The following CEP97 variants were observed in gnomAD, a reference collection of about 807,000 sequenced individuals.
CEP97 encodes the protein centrosomal protein 97.
CEP97 carries 43 observed loss-of-function variants against 73.1 expected under a neutral mutation model. The observed-to-expected ratio is 0.59, with a 90% CI of 0.46 to 0.76. The LOEUF (loss-of-function observed/expected upper bound fraction) is 0.76, where lower values mean the gene tolerates loss of function less well. Ranked by LOEUF, CEP97 falls within the 30% of genes least tolerant of loss-of-function variation. The probability of loss-of-function intolerance (pLI) is 0.00; values close to 1 mark genes in which losing one functional copy is unlikely to be tolerated. For synonymous variants in CEP97, 337 were observed against 370.0 expected (o/e 0.91, Z 1.02); for missense variants, 939 against 1,014.0 (o/e 0.93, Z 1.00).
chr3:101,743,232 T>TG (rs1242188957), intron 6 of CEP97, among the ~76,000 whole-genome samples: 3 of 150,614 alleles, frequency 2.0e-5, no homozygotes, highest in Non-Finnish European at 4.4e-5. Flanking sequence ...GGCAACAAAG[T>TG]GGGAAAAAAA....
Position 101,767,392 on chromosome 3 carries a change from T to C in CEP97, c.*1841T>C, listed in dbSNP as rs1381296274. On this transcript the variant is annotated 3_prime_UTR_variant, in exon 11 of 11. Transcript: ENST00000341893. ...ATGATTTTGAATGTCTTCTTAAATA[T>C]ACCCTATTTTTCTATTTTAAAGTTA... is the stretch of plus-strand genomic sequence containing the variant. The C allele has an allele frequency of 6.6e-6, 1 of 152,238 alleles. No individual in the cohort carries two copies. Among genetic ancestry groups the C allele is most frequent in the Non-Finnish European group, 1.5e-5 (1 of 68,036 alleles). 9.4% of individuals were successfully genotyped at this position (152,238 alleles called of 1,614,324 possible).
In CEP97 at chr3:101,758,018, T is replaced by A; in HGVS notation, c.1412T>A (p.Ile471Asn). Reference protein sequence around the residue: ...ENSVQMMRSEINTEVNEKAGL... With the variant: ...ENSVQMMRSENNTEVNEKAGL... ...TCTGTTCAAATGATGAGAAGTGAAA[T>A]CAATACAGAGGTAAATGAGAAAGCT... Residue 471 changes from isoleucine (I) to asparagine (N), a missense_variant, in exon 9 of 11, where the codon ATC becomes AAC. Ile to Asn is a moderately radical substitution (Grantham distance 149, BLOSUM62 -3). Coordinates refer to ENST00000341893, the MANE Select transcript of CEP97 (RefSeq NM_024548.4). 6.2e-7 allele frequency: 1 copy of A among 1,614,120 alleles called. No individual in the cohort carries two copies. Among genetic ancestry groups the A allele is most frequent in the Non-Finnish European group, 8.5e-7 (1 of 1,180,012 alleles).
chr3:101,724,621 A>C lies in CEP97; in HGVS notation c.-56A>C. The C allele has an allele frequency of 1.2e-6, 2 of 1,605,994 alleles. No homozygotes were observed. Among genetic ancestry groups the C allele is most frequent in the Admixed American group, 1.7e-5 (1 of 59,980 alleles). ...TTTCCGGCTCCCTCCTTCAGATTAC[A>C]AGCTCCACAGAGCCGCGGGAGGACG... is the stretch of plus-strand genomic sequence containing the variant. On this transcript the variant is annotated 5_prime_UTR_variant, in exon 1 of 11. Coordinates refer to ENST00000341893, the MANE Select transcript of CEP97 (RefSeq NM_024548.4).
intron 5 of CEP97, 73 bp from the exon 6 acceptor site, chr3:101,732,415 T>TG: frequency 1.0e-6 from 1 of 1,002,618 alleles, no homozygotes; most frequent in East Asian, 2.4e-5. Context: ...CTGCCAAAGA[T>TG]ATGTAATCAG....
rs963647201 is a variant in CEP97 at position 101,766,828 on chromosome 3, A to T, written c.*1277A>T. 6.6e-6 allele frequency: 1 copy of T among 152,198 alleles called. No homozygotes were observed. Among genetic ancestry groups the T allele is most frequent in the African/African-American group, 2.4e-5 (1 of 41,450 alleles). 9.4% of individuals were successfully genotyped at this position (152,198 alleles called of 1,614,324 possible). Reference sequence around the variant, plus strand: ...AAGCATCTCTAAATTTAGGTGCTAAATATCTATTATTCTGTTGTAGTCATT... The same window carrying T: ...AAGCATCTCTAAATTTAGGTGCTAATTATCTATTATTCTGTTGTAGTCATT... On this transcript the variant is annotated 3_prime_UTR_variant, in exon 11 of 11. Coordinates refer to ENST00000341893, the MANE Select transcript of CEP97 (RefSeq NM_024548.4).
At position 101,755,535 on chromosome 3, in the gene CEP97, T is replaced by C. The variant is rs1938980633; in HGVS notation, c.834T>C (p.Ser278=). 1.2e-6 allele frequency: 2 copies of C among 1,614,082 alleles called. No individual in the cohort carries two copies. The highest frequency in any genetic ancestry group is 1.7e-6 in the Non-Finnish European group (2 of 1,180,020). The change falls in exon 7 of 11, where the codon TCT becomes TCC. Residue 278 remains serine, a synonymous_variant. Transcript: ENST00000341893. ...QYLATVCPLT[S]TLGLQTAEDA... ...TGGCTACAGTCTGCCCCCTCACTTC[T>C]ACACTAGGTCTTCAAACTGCAGAGG...
In CEP97 at chr3:101,758,408, C is replaced by G. The variant is rs1440349974; in HGVS notation, c.1802C>G (p.Thr601Ser). Reference sequence around the variant, plus strand: ...ATGCAAGAGCACATTGTCTGCTTAACTGATGAAATAAGGAGGTGGGTCAGA... The same window carrying G: ...ATGCAAGAGCACATTGTCTGCTTAAGTGATGAAATAAGGAGGTGGGTCAGA... ...RRMQEHIVCL[T>S]DEIRRLRKER... is the part of the protein sequence containing the mutation. Residue 601 changes from threonine (T) to serine (S), a missense_variant, in exon 9 of 11, where the codon ACT becomes AGT. Physicochemically the swap from Thr to Ser is moderately conservative, Grantham distance 58 (BLOSUM62 1). Transcript: ENST00000341893. 3 of 1,614,064 alleles carry G rather than the reference C, an allele frequency of 1.9e-6. No individual in the cohort carries two copies. The highest frequency in any genetic ancestry group is 1.3e-5 in the African/African-American group (1 of 75,058).
chr3:101,731,726 A>G (rs1460309816), intron 4 of CEP97, 114 bp from the exon 5 acceptor site: 1 of 637,180 alleles, frequency 1.6e-6, no homozygotes, highest in East Asian at 2.8e-5. Context: ...GTGTGATGAG[A>G]AATATAATAA....
intron 9 of CEP97, chr3:101,759,440 A>G (rs1030578371): frequency 3.9e-5 from 6 of 152,190 alleles, no homozygotes; most frequent in African/African-American, 1.2e-4. Flanking sequence ...GGCCAGTCAC[A>G]TAGGTATTGA....
chr3:101,730,046 T>G (rs1178442905), intron 4 of CEP97, among the ~76,000 whole-genome samples: 2 of 152,060 alleles, frequency 1.3e-5, no homozygotes, highest in African/African-American at 4.8e-5. Flanking sequence ...CCTCACATGA[T>G]CCTCCTGCCT....
chr3:101,744,614 C>G (rs890513719), intron 6 of CEP97, among the ~76,000 whole-genome samples: 1 of 149,898 alleles, frequency 6.7e-6, no homozygotes, highest in Non-Finnish European at 1.5e-5. Context: ...TAGAGTTACT[C>G]TCAAACTAGG....
In CEP97 at chr3:101,726,618, A is replaced by G. The variant is rs1484705974; in HGVS notation, c.68A>G (p.Gln23Arg). 3 of 1,611,212 alleles carry G rather than the reference A, an allele frequency of 1.9e-6. No homozygotes were observed. Among genetic ancestry groups the G allele is most frequent in the South Asian group, 1.1e-5 (1 of 90,582 alleles). Residue 23 changes from glutamine to arginine, a missense_variant, in exon 2 of 11, where the codon CAG (glutamine) becomes CGG (arginine). Gln to Arg is a conservative substitution (Grantham distance 43). Transcript: ENST00000341893. Reference sequence around the variant, plus strand: ...GGATCAGTGGTCAATTGGTCAGGACAGGGACTACAGAAATTAGGTCCAAAT... The same window carrying G: ...GGATCAGTGGTCAATTGGTCAGGACGGGGACTACAGAAATTAGGTCCAAAT... ...GEGSVVNWSGQGLQKLGPNLP... is the reference protein window; with the variant it reads ...GEGSVVNWSGRGLQKLGPNLP...
At chr3:101,732,738 ATG>A (rs1938153477) in intron 6 of CEP97, 84 bp downstream of exon 6, 1 of 1,215,332 alleles carries the variant, frequency 8.2e-7, no homozygotes, top group Non-Finnish European at 1.2e-6. Flanking sequence ...ATTTCTTAAA[ATG>A]TGCATTTAGA....
intron 9 of CEP97, among the ~76,000 whole-genome samples, chr3:101,760,308 T>C (rs1410849190): frequency 6.6e-6 from 1 of 152,086 alleles, no homozygotes; most frequent in Non-Finnish European, 1.5e-5. Flanking sequence ...CATGACCTTA[T>C]GAGGAAAATG....
chr3:101,758,688 G>T, intron 9 of CEP97: 1 of 387,982 alleles, frequency 2.6e-6, no homozygotes, highest in Middle Eastern at 7.2e-4. Flanking sequence ...AGCTTTATAG[G>T]GATCTATAAT....
chr3:101,762,546 T>C lies in CEP97; in HGVS notation c.1879T>C (p.Phe627Leu). 6.2e-7 allele frequency: 1 copy of C among 1,610,352 alleles called. No individual in the cohort carries two copies. Residue 627 changes from phenylalanine (F) to leucine (L), a missense_variant, in exon 10 of 11, where the codon TTC becomes CTC. Physicochemically the swap from Phe to Leu is conservative, Grantham distance 22. Coordinates refer to ENST00000341893, the MANE Select transcript of CEP97 (RefSeq NM_024548.4). ...KKFVQEEAFR[F>L]LWNQVRSLQV... is the part of the protein sequence containing the mutation. ...ATTTGTACAAGAAGAAGCTTTCAGA[T>C]TCCTTTGGAACCAGGTAAACTCCCT...
intron 9 of CEP97, among the ~76,000 whole-genome samples, chr3:101,760,097 A>G (rs2107188832): frequency 6.6e-6 from 1 of 150,402 alleles, no homozygotes; most frequent in South Asian, 2.1e-4. Flanking sequence ...GAAGAAATGT[A>G]GTGTCGAAGT....
rs55873092 is a variant in CEP97 at position 101,730,231 on chromosome 3, T to TTTTTGTTTTG, written c.447+1337_447+1346dup. ...AGCCACCGAACTGGCCGAGTCTGTT[T>TTTTTGTTTTG]TTTTGTTTTGTTTTGTTTTGTTTTG... On this transcript the variant is annotated intron_variant, in intron 4 of 10. Transcript: ENST00000341893. Among the ~76,000 whole-genome samples, 428 of 144,986 alleles carry TTTTTGTTTTG rather than the reference T, an allele frequency of 3.0e-3. 3 individuals carry two copies. The highest frequency in any genetic ancestry group is 4.1e-3 in the African/African-American group (162 of 39,532).
chr3:101,752,068 C>A (rs1026597265), intron 6 of CEP97, among the ~76,000 whole-genome samples: 1 of 152,208 alleles, frequency 6.6e-6, no homozygotes, highest in Non-Finnish European at 1.5e-5. Context: ...TCCTTCAGGA[C>A]CTCTTTTAGG....
Sources: allele counts gnomAD v4.1 joint callset (sites outside exome capture counted in the v4.1 genomes callset), GRCh38; gene constraint gnomAD v4.1.1; transcripts MANE v1.5; gene names NCBI Gene and HGNC (gene_info 2026-07-23, HGNC 2026-07-21).